SHCBP1L: variants seen among roughly 807,000 people sequenced by gnomAD.
SHCBP1L encodes testicular spindle-associated protein SHCBP1L.
SHCBP1L carries 67 observed loss-of-function variants against 62.5 expected under a neutral mutation model. The observed-to-expected ratio is 1.07, with a 90% CI of 0.88 to 1.31. The LOEUF (loss-of-function observed/expected upper bound fraction) is 1.31. Ranked by LOEUF, SHCBP1L falls within the 40% of genes most tolerant of loss-of-function variation. The pLI is 0.00. For synonymous variants in SHCBP1L, 284 were observed against 289.4 expected (o/e 0.98, Z 0.19); for missense variants, 823 against 809.8 (o/e 1.02, Z -0.20).
intron 7 of SHCBP1L, 78 bp from the exon 8 acceptor site, chr1:182,904,508 C>T (rs1217150878): frequency 1.2e-5 from 18 of 1,473,982 alleles, no homozygotes; most frequent in East Asian, 2.3e-5. Context: ...AACAATACTG[C>T]TGTTACTAAA....
At position 182,904,329 on chromosome 1, in the gene SHCBP1L, T is replaced by C. The variant is rs375000802; in HGVS notation, c.1438A>G (p.Ile480Val). 4 of 1,614,046 alleles carry C rather than the reference T, an allele frequency of 2.5e-6. No individual in the cohort carries two copies. In the African/African-American group the frequency reaches 4.0e-5, roughly 16 times the overall value. ...ATACCATCAACCGTCCCTTGTTGTA[T>C]CAAAGATAGATGCATTAGTTTCACA... ...DNVKLMHLSL[I>V]QQGTVDGIVV... Residue 480 changes from isoleucine (I) to valine (V), a missense_variant, in exon 8 of 10, where the codon ATA (isoleucine) becomes GTA (valine). Physicochemically the swap from Ile to Val is conservative, Grantham distance 29. Transcript: ENST00000367547.
intron 2 of SHCBP1L, among the ~76,000 whole-genome samples, chr1:182,940,763 G>C (rs149581258): frequency 8.2e-4 from 125 of 152,112 alleles, no homozygotes; most frequent in Non-Finnish European, 1.4e-3. Context: ...TTTCATGAAA[G>C]GAATTCTGTA....
At chr1:182,942,198 C>T (rs1431688803) in intron 2 of SHCBP1L, 17 of 1,219,962 alleles carry the variant, frequency 1.4e-5, no homozygotes, top group Non-Finnish European at 2.0e-5. Context: ...TCTTTAGTTT[C>T]TTGGTTAGCC....
chr1:182,920,276 G>A (rs1650488693), intron 6 of SHCBP1L, among the ~76,000 whole-genome samples: 1 of 152,114 alleles, frequency 6.6e-6, no homozygotes, highest in Non-Finnish European at 1.5e-5. Flanking sequence ...CCTGGTACCA[G>A]CCCCCCAGGG....
chr1:182,901,536 C>A (rs553607595), intron 9 of SHCBP1L, among the ~76,000 whole-genome samples: 15 of 152,100 alleles, frequency 9.9e-5, no homozygotes, highest in Non-Finnish European at 1.9e-4. Flanking sequence ...ACAAACAAAG[C>A]CAGTGTGGCT....
chr1:182,942,529 T>C (rs1651404705), intron 2 of SHCBP1L: 2 of 559,250 alleles, frequency 3.6e-6, no homozygotes, highest in African/African-American at 3.8e-5. Flanking sequence ...CCACCAAGAG[T>C]AAAATTCTTA....
intron 6 of SHCBP1L, among the ~76,000 whole-genome samples, chr1:182,922,552 TAAA>T (rs201825711): frequency 1.5e-5 from 2 of 132,398 alleles, no homozygotes. Flanking sequence ...AGACTCCATC[TAAA>T]AAAAAAAAAA....
At chr1:182,924,976 A>AAGAAAGAAAGAAAG (rs1414115841) in intron 6 of SHCBP1L, among the ~76,000 whole-genome samples, 7 of 137,660 alleles carry the variant, frequency 5.1e-5, no homozygotes, top group African/African-American at 1.5e-4. Flanking sequence ...GAAAGAAAGA[A>AAGAAAGAAAGAAAG]AAAAAAAGGA....
rs1204909331 is a variant in SHCBP1L, at chr1:182,940,442, C to A, written c.657G>T (p.Leu219Phe). The A allele has an allele frequency of 1.2e-6, 2 of 1,613,782 alleles. No homozygotes were observed. Among genetic ancestry groups the A allele is most frequent in the Non-Finnish European group, 1.7e-6 (2 of 1,179,972 alleles). ...CCAGTTCCTCCAAAATCTCATCAAC[C>A]AAATCTCTTGGAATATTTGCAATGT... ...SSNIANIPRD[L>F]VDEILEELEH... The change falls in exon 3 of 10, where the codon TTG becomes TTT. Residue 219 changes from leucine (L) to phenylalanine (F), a missense_variant. Leu to Phe is a conservative substitution (Grantham distance 22). Coordinates refer to ENST00000367547, the MANE Select transcript of SHCBP1L (RefSeq NM_030933.4).
chr1:182,951,243 C>A, intron 2 of SHCBP1L, 75 bp downstream of exon 2: 1 of 1,197,662 alleles, frequency 8.3e-7, no homozygotes, highest in Non-Finnish European at 1.1e-6. Flanking sequence ...TATCAATCTC[C>A]AAATAATAAA....
intron 6 of SHCBP1L, among the ~76,000 whole-genome samples, chr1:182,927,588 C>A (rs944921088): frequency 1.4e-5 from 2 of 146,950 alleles, no homozygotes; most frequent in African/African-American, 5.1e-5. Context: ...AGGAGAATGG[C>A]GTGAACCCGG....
chr1:182,951,514 G>A (rs1571363520), intron 1 of SHCBP1L, 47 bp from the exon 2 acceptor site: 2 of 1,236,224 alleles, frequency 1.6e-6, no homozygotes, highest in Non-Finnish European at 1.1e-6. Flanking sequence ...TGAAATTATA[G>A]ATTTTAAACT....
rs536714582 is a variant in SHCBP1L at position 182,941,040 on chromosome 1, C to G, written c.556-497G>C. The stretch of plus-strand genomic sequence containing the variant: ...CTAATATTATCGAAAAATTTTTCAA[C>G]AAATTTTGCCATAAAAGCATGTTAA... On this transcript the variant is annotated intron_variant, in intron 2 of 9. Transcript: ENST00000367547. Among the ~76,000 whole-genome samples the G allele has an allele frequency of 2.0e-5, 3 of 152,014 alleles. No homozygotes were observed. The South Asian group carries it at 6.2e-4, about 32-fold the overall frequency.
chr1:182,905,845 T>G (rs944611130), intron 6 of SHCBP1L, among the ~76,000 whole-genome samples, 196 bp from the exon 7 acceptor site: 16 of 152,222 alleles, frequency 1.1e-4, no homozygotes, highest in African/African-American at 3.6e-4. Context: ...CGTTCATCAT[T>G]TTATAACTAT....
chr1:182,952,195 T>A (rs1175432254), intron 1 of SHCBP1L, among the ~76,000 whole-genome samples: 138 of 13,268 alleles, frequency 0.01, 13 homozygotes, highest in Non-Finnish European at 0.017. Context: ...AAAAAAAATA[T>A]ATATATATAT....
At chr1:182,902,070 T>G (rs1350276434) in intron 9 of SHCBP1L, among the ~76,000 whole-genome samples, 1 of 147,502 alleles carries the variant, frequency 6.8e-6, no homozygotes, top group African/African-American at 2.5e-5. Context: ...TCTTTTTTTT[T>G]TTTTTTTTGA....
chr1:182,911,062 G>C (rs1349816108), intron 6 of SHCBP1L, among the ~76,000 whole-genome samples: 5 of 151,904 alleles, frequency 3.3e-5, no homozygotes, highest in Admixed American at 6.6e-5. Context: ...GCTAATTTCT[G>C]TATTTTTAGT....
At chr1:182,943,312 G>A (rs904144520) in intron 2 of SHCBP1L, among the ~76,000 whole-genome samples, 1 of 140,484 alleles carries the variant, frequency 7.1e-6, no homozygotes, top group Non-Finnish European at 1.5e-5. Context: ...GGTACAGACA[G>A]GGTCTCACTA....
At chr1:182,942,413 G>T in intron 2 of SHCBP1L, 1 of 708,304 alleles carries the variant, frequency 1.4e-6, no homozygotes. Context: ...CCTGGCGGCA[G>T]GCAGGGCGCG....
Sources: allele counts gnomAD v4.1 joint callset (sites outside exome capture counted in the v4.1 genomes callset), GRCh38; gene constraint gnomAD v4.1.1; transcripts MANE v1.5; gene names NCBI Gene and HGNC (gene_info 2026-07-23, HGNC 2026-07-21).